The following SYN3 variants were observed in gnomAD, a reference collection of about 807,000 sequenced individuals.
SYN3 encodes the protein synapsin-3.
A neutral mutation model predicts 65.8 loss-of-function variants in SYN3; 35 were observed. The ratio of observed to expected loss-of-function variants is 0.53; its 90% CI spans 0.41 to 0.70. The LOEUF is 0.70. Among genes scored for constraint, SYN3 ranks in the 30% least tolerant of loss-of-function variants. SYN3 has a pLI of 0.00. For missense variants in SYN3, 680 were observed against 749.0 expected, an observed-to-expected ratio of 0.91 and a Z score of 1.08; for synonymous variants, 270 against 292.9, an observed-to-expected ratio of 0.92 and a Z score of 0.80.
rs73156470 is a variant in SYN3, at chr22:32,760,917, A to G, written c.711+103998T>C. On this transcript the variant is annotated intron_variant, in intron 6 of 13. Transcript: ENST00000358763. ...TTCACACTGCCCAGGCAGCTGGTCC[A>G]GGGTCAAGGAAACACTGGCGTCATA... Among the ~76,000 whole-genome samples the G allele has an allele frequency of 3.5e-3, 528 of 152,366 alleles. 4 individuals carry two copies. Among genetic ancestry groups the G allele is most frequent in the Non-Finnish European group, 5.0e-3 (338 of 68,036 alleles).
chr22:32,587,364 A>AGG (rs2059063497), intron 7 of SYN3, among the ~76,000 whole-genome samples: 1 of 146,154 alleles, frequency 6.8e-6, no homozygotes, highest in Non-Finnish European at 1.5e-5. Context: ...GTTGGGGGGG[A>AGG]GGGTCCCTCA....
chr22:32,735,070 C>A (rs1329599060), intron 6 of SYN3, among the ~76,000 whole-genome samples: 1 of 152,194 alleles, frequency 6.6e-6, no homozygotes, highest in Non-Finnish European at 1.5e-5. Flanking sequence ...TGGTTACACT[C>A]CATCTGCCTC....
rs1257721627 is a variant in SYN3 at position 32,510,448 on chromosome 22, T to C, written c.*3244A>G. The stretch of plus-strand genomic sequence containing the variant: ...TTTTGAGCTGTCTTTTATTACTAAG[T>C]GAAAACTGGGTGAGATTGTTGAAGA... On this transcript the variant is annotated 3_prime_UTR_variant, in exon 14 of 14. Coordinates refer to ENST00000358763, the MANE Select transcript of SYN3 (RefSeq NM_003490.4). Among the ~76,000 whole-genome samples, 1 of 152,186 alleles carries C rather than the reference T, an allele frequency of 6.6e-6. No individual in the cohort carries two copies. Among genetic ancestry groups the C allele is most frequent in the East Asian group, 1.9e-4 (1 of 5,188 alleles).
At chr22:32,578,588 A>G (rs5754157) in intron 7 of SYN3, among the ~76,000 whole-genome samples, 9,742 of 152,234 alleles carry the variant, frequency 0.064, 548 homozygotes, top group East Asian at 0.24. Flanking sequence ...GAAATTGGTC[A>G]TCAAATCAAC....
At chr22:32,756,002 G>T (rs564731933) in intron 6 of SYN3, among the ~76,000 whole-genome samples, 2 of 150,996 alleles carry the variant, frequency 1.3e-5, no homozygotes, top group East Asian at 2.0e-4. Context: ...GTTTTTACTC[G>T]TAAGTGGGAG....
At chr22:32,629,638 C>T (rs903244804) in intron 6 of SYN3, 28 of 152,176 alleles carry the variant, frequency 1.8e-4, no homozygotes, top group African/African-American at 5.8e-4. Flanking sequence ...TTTATTTAAA[C>T]GCTTTATAAA....
At chr22:32,856,769 C>T (rs527859138) in intron 6 of SYN3, among the ~76,000 whole-genome samples, 12 of 152,260 alleles carry the variant, frequency 7.9e-5, no homozygotes, top group South Asian at 4.1e-4. Flanking sequence ...ACTTGTTCTG[C>T]GTACTCGTAT....
intron 7 of SYN3, among the ~76,000 whole-genome samples, chr22:32,580,754 C>T (rs2058927659): frequency 6.6e-6 from 1 of 152,212 alleles, no homozygotes; most frequent in African/African-American, 2.4e-5. Flanking sequence ...GTTGCTTTCC[C>T]ACTACAAGAG....
intron 6 of SYN3, among the ~76,000 whole-genome samples, chr22:32,853,201 T>C (rs2048271553): frequency 6.6e-6 from 1 of 152,240 alleles, no homozygotes; most frequent in African/African-American, 2.4e-5. Context: ...CCCGTGGTTC[T>C]TCCTGCCTTA....
intron 7 of SYN3, among the ~76,000 whole-genome samples, chr22:32,556,587 C>T (rs768116250): frequency 1.5e-4 from 23 of 152,100 alleles, no homozygotes; most frequent in South Asian, 8.3e-4. Context: ...TTCTCAGTGT[C>T]GAGTTTGGGA....
At chr22:32,696,146 T>G (rs2060733730) in intron 6 of SYN3, among the ~76,000 whole-genome samples, 1 of 152,256 alleles carries the variant, frequency 6.6e-6, no homozygotes, top group Admixed American at 6.5e-5. Flanking sequence ...GTCAGAGGAC[T>G]GGGCTCCTTC....
intron 6 of SYN3, among the ~76,000 whole-genome samples, chr22:32,856,942 A>G (rs530372111): frequency 1.2e-4 from 18 of 152,340 alleles, no homozygotes; most frequent in Admixed American, 1.1e-3. Flanking sequence ...TATTCCGCTT[A>G]GCAAAACGAC....
chr22:32,625,570 C>A (rs1416640134), intron 6 of SYN3, among the ~76,000 whole-genome samples: 2 of 152,190 alleles, frequency 1.3e-5, no homozygotes, highest in African/African-American at 4.8e-5. Flanking sequence ...ACTTTAGCAT[C>A]CTTCTTCTTT....
intron 2 of SYN3, among the ~76,000 whole-genome samples, chr22:32,988,176 G>T (rs1214690380): frequency 6.6e-6 from 1 of 151,894 alleles, no homozygotes; most frequent in Non-Finnish European, 1.5e-5. Flanking sequence ...GCATGGTGGT[G>T]CATGCCTGTA....
At chr22:33,053,633 A>T (rs1303859503) in intron 1 of SYN3, among the ~76,000 whole-genome samples, 1 of 152,180 alleles carries the variant, frequency 6.6e-6, no homozygotes, top group Non-Finnish European at 1.5e-5. Context: ...GGAAATGAAG[A>T]CAATGGTGGA....
At chr22:32,617,610 A>G (rs2059539128) in intron 6 of SYN3, among the ~76,000 whole-genome samples, 1 of 151,902 alleles carries the variant, frequency 6.6e-6, no homozygotes, top group Admixed American at 6.6e-5. Flanking sequence ...GTAGATTTGG[A>G]GCCAAATTGT....
intron 4 of SYN3, among the ~76,000 whole-genome samples, chr22:32,918,990 T>C (rs982583389): frequency 1.3e-5 from 2 of 152,186 alleles, no homozygotes; most frequent in South Asian, 2.1e-4. Context: ...TAGTCCTAGA[T>C]GCTTTGTGAG....
intron 1 of SYN3, among the ~76,000 whole-genome samples, chr22:33,008,414 T>G (rs1298550458): frequency 1.3e-5 from 2 of 152,236 alleles, no homozygotes; most frequent in Admixed American, 1.3e-4. Flanking sequence ...CAAATACTCT[T>G]CTGATGCATG....
intron 3 of SYN3, among the ~76,000 whole-genome samples, chr22:32,938,323 T>C (rs964896248): frequency 6.7e-6 from 1 of 148,746 alleles, no homozygotes; most frequent in Admixed American, 6.7e-5. Flanking sequence ...GGTCAGGAGA[T>C]CAAGACCATC....
Sources: allele counts gnomAD v4.1 joint callset (sites outside exome capture counted in the v4.1 genomes callset), GRCh38; gene constraint gnomAD v4.1.1; transcripts MANE v1.5; gene names NCBI Gene and HGNC (gene_info 2026-07-23, HGNC 2026-07-21).